Variants in KIF5C observed in about 807,000 individuals in gnomAD.
KIF5C encodes kinesin heavy chain isoform 5C.
In KIF5C, 18 loss-of-function variants were observed where a neutral mutation model predicts 125.2. That is an observed-to-expected ratio of 0.14 (90% CI 0.10 to 0.21). KIF5C has a LOEUF of 0.21. KIF5C is among the 10% of genes least tolerant of loss of function. The pLI is 1.00. For synonymous variants in KIF5C, 405 were observed against 434.0 expected (o/e 0.93, Z 0.83); for missense variants, 780 against 1,183.8 (o/e 0.66, Z 5.01).
At chr2:148,935,014 C>T in intron 3 of KIF5C, 2 of 360,440 alleles carry the variant, frequency 5.5e-6, no homozygotes, top group South Asian at 2.1e-5. Flanking sequence ...TCTTGGGCAT[C>T]TGAGCTGGAT....
At chr2:148,898,064 C>A (rs537636932) in intron 1 of KIF5C, among the ~76,000 whole-genome samples, 1 of 151,640 alleles carries the variant, frequency 6.6e-6, no homozygotes, top group African/African-American at 2.4e-5. Flanking sequence ...GTGCCTTCCT[C>A]CCATCAAAGA....
rs779258988 is a variant in KIF5C at position 148,911,391 on chromosome 2, C to T, written c.127-10746C>T. ...CTGCTGAGCAGAGTTTCCACAAGGCCGGGCTGGTGCACAATTCTACCCTTG... is the reference window on the plus strand; with the variant it reads ...CTGCTGAGCAGAGTTTCCACAAGGCTGGGCTGGTGCACAATTCTACCCTTG... On this transcript the variant is annotated intron_variant, in intron 1 of 25. Transcript: ENST00000435030. Among the ~76,000 whole-genome samples the T allele has an allele frequency of 5.9e-5, 9 of 152,202 alleles. No homozygotes were observed. In the South Asian group the frequency reaches 1.5e-3, roughly 25 times the overall value.
intron 25 of KIF5C, among the ~76,000 whole-genome samples, chr2:149,014,791 G>T (rs561843620): frequency 7.9e-4 from 120 of 152,288 alleles, no homozygotes; most frequent in African/African-American, 2.8e-3. Context: ...TTACTAAATG[G>T]TTTTTAGTTC....
intron 25 of KIF5C, among the ~76,000 whole-genome samples, chr2:149,020,740 T>C (rs1682511105): frequency 6.6e-6 from 1 of 152,178 alleles, no homozygotes; most frequent in Non-Finnish European, 1.5e-5. Context: ...AATGAACCTG[T>C]GAGAAAGTGA....
chr2:148,962,226 C>T (rs1024770720), intron 11 of KIF5C, 107 bp downstream of exon 11: 51 of 1,431,064 alleles, frequency 3.6e-5, no homozygotes, highest in Non-Finnish European at 4.3e-5. Flanking sequence ...AGTGCAGTGG[C>T]GTGATCTTGG....
chr2:148,905,999 C>T (rs534998025), intron 1 of KIF5C, among the ~76,000 whole-genome samples: 2 of 152,218 alleles, frequency 1.3e-5, no homozygotes, highest in Non-Finnish European at 2.9e-5. Context: ...AATTACCTCC[C>T]ACAGGGTACC....
At chr2:148,943,316 A>G (rs1169142762) in intron 7 of KIF5C, among the ~76,000 whole-genome samples, 2 of 152,196 alleles carry the variant, frequency 1.3e-5, no homozygotes, top group Non-Finnish European at 2.9e-5. Context: ...TTGGCTCTGC[A>G]GTTCCTTCCT....
At chr2:148,922,783 C>T (rs1439902343) in intron 2 of KIF5C, among the ~76,000 whole-genome samples, 1 of 152,154 alleles carries the variant, frequency 6.6e-6, no homozygotes, top group African/African-American at 2.4e-5. Context: ...ATGCTTTCTC[C>T]TAACCCATTT....
chr2:148,899,821 C>T (rs922644910), intron 1 of KIF5C, among the ~76,000 whole-genome samples: 3 of 151,776 alleles, frequency 2.0e-5, no homozygotes, highest in African/African-American at 7.3e-5. Context: ...GTATTTCTTT[C>T]CTGAATTCCA....
rs750229141 is a variant in KIF5C at position 149,007,975 on chromosome 2, G to A, written c.2458G>A (p.Asp820Asn). 3.1e-6 allele frequency: 5 copies of A among 1,608,444 alleles called. 1 individual carries two copies. In the South Asian group the frequency reaches 5.5e-5, roughly 18 times the overall value. The change falls in exon 23 of 26, where the codon GAC (aspartate) becomes AAC (asparagine). Residue 820 changes from aspartate (D) to asparagine (N), a missense_variant. By Grantham distance (23) the Asp-to-Asn change is conservative. This residue lies in a region of KIF5C where 573 missense variants were observed against 742.6 expected (regional missense o/e 0.77). Coordinates refer to ENST00000435030, the MANE Select transcript of KIF5C (RefSeq NM_004522.3). ...GGTGTCAATGCAGAGTGTGGAGTTG[G>A]ACAACGATGATGGAGGGGGCAGTGC... ...TTRVKKSVEL[D>N]NDDGGGSAAQ... is the part of the protein sequence containing the mutation.
Position 148,877,069 on chromosome 2 carries a change from C to T in KIF5C, c.126+1326C>T, listed in dbSNP as rs559804617. Among the ~76,000 whole-genome samples, 7 of 152,322 alleles carry T rather than the reference C, an allele frequency of 4.6e-5. No individual in the cohort carries two copies. The East Asian group carries it at 1.3e-3, about 29-fold the overall frequency. On this transcript the variant is annotated intron_variant, in intron 1 of 25. Coordinates refer to ENST00000435030, the MANE Select transcript of KIF5C (RefSeq NM_004522.3). The stretch of plus-strand genomic sequence containing the variant: ...TCAAGCGCCAGAGGCCGACGTTTTC[C>T]AGCCCGGGCGGTCCCCAGCATCTTT...
At chr2:148,896,509 C>A (rs934553478) in intron 1 of KIF5C, among the ~76,000 whole-genome samples, 3 of 152,260 alleles carry the variant, frequency 2.0e-5, no homozygotes, top group African/African-American at 7.2e-5. Context: ...TGGAGCATCA[C>A]GATGCTGATG....
At chr2:148,990,156 A>T (rs1681487408) in intron 15 of KIF5C, among the ~76,000 whole-genome samples, 1 of 152,236 alleles carries the variant, frequency 6.6e-6, no homozygotes, top group Non-Finnish European at 1.5e-5. Context: ...CTTAAAGACC[A>T]TGTTTGCATT....
At chr2:148,886,495 G>A (rs1198323058) in intron 1 of KIF5C, among the ~76,000 whole-genome samples, 2 of 152,142 alleles carry the variant, frequency 1.3e-5, no homozygotes, top group Non-Finnish European at 2.9e-5. Flanking sequence ...GCCAGGTTCC[G>A]TATTGGGATG....
intron 1 of KIF5C, 38 bp from the exon 2 acceptor site, chr2:148,922,099 T>C: frequency 6.9e-7 from 1 of 1,443,372 alleles, no homozygotes. Context: ...CTAATGTGTT[T>C]TTTCCACCTT....
At chr2:148,984,628 C>G (rs929889227) in intron 15 of KIF5C, among the ~76,000 whole-genome samples, 34 of 152,074 alleles carry the variant, frequency 2.2e-4, no homozygotes, top group African/African-American at 5.8e-4. Flanking sequence ...CCAGAAGTCC[C>G]CAGGAGACAT....
chr2:148,952,884 C>A (rs983469739), intron 10 of KIF5C, among the ~76,000 whole-genome samples: 1 of 152,042 alleles, frequency 6.6e-6, no homozygotes, highest in Non-Finnish European at 1.5e-5. Flanking sequence ...CACAGTATTG[C>A]GGCTTGAAAA....
chr2:148,883,955 G>A (rs1479357625), intron 1 of KIF5C: 1 of 152,130 alleles, frequency 6.6e-6, no homozygotes, highest in Non-Finnish European at 1.5e-5. Flanking sequence ...GTTTTTGAGA[G>A]GGAGCAATTT....
Position 148,962,137 on chromosome 2 carries a change from G to T in KIF5C, c.1117+18G>T. On this transcript the variant is annotated intron_variant, in intron 11 of 25. Coordinates refer to ENST00000435030, the MANE Select transcript of KIF5C (RefSeq NM_004522.3). ...GAGGAATGGTAAGGAAAAGTAAGGA[G>T]GAAGAGTGAGGCATGAGTGTGTGCT... is the stretch of plus-strand genomic sequence containing the variant. 2.5e-6 allele frequency: 4 copies of T among 1,586,932 alleles called. No homozygotes were observed. The highest frequency in any genetic ancestry group is 3.4e-6 in the Non-Finnish European group (4 of 1,167,010).
Sources: allele counts gnomAD v4.1 joint callset (sites outside exome capture counted in the v4.1 genomes callset), GRCh38; gene constraint gnomAD v4.1.1; regional missense constraint gnomAD v4.1.1; transcripts MANE v1.5; gene names NCBI Gene and HGNC (gene_info 2026-07-23, HGNC 2026-07-21).